Variants in ASTN2 observed in about 807,000 individuals in gnomAD.
ASTN2 encodes astrotactin 2, also known as astrotactin-2.
Under a neutral mutation model 139.8 loss-of-function variants are expected in ASTN2, and 54 were observed. The observed-to-expected ratio is 0.39, with a 90% confidence interval of 0.31 to 0.48. The LOEUF is 0.48. Among genes scored for constraint, ASTN2 ranks in the 20% least tolerant of loss-of-function variants. The pLI, the probability that ASTN2 is intolerant of heterozygous loss-of-function variation, is 0.95. For missense variants in ASTN2, 1,565 were observed against 1,725.1 expected (o/e 0.91, Z 1.64); for synonymous variants, 756 against 719.5 (o/e 1.05, Z -0.81).
intron 1 of ASTN2, among the ~76,000 whole-genome samples, chr9:117,308,104 A>G (rs2130810144): frequency 6.6e-6 from 1 of 152,256 alleles, no homozygotes; most frequent in Non-Finnish European, 1.5e-5. Flanking sequence ...AGGTCCTCTG[A>G]TTCCCAGCTC....
chr9:117,201,849 C>G (rs1831733335), intron 3 of ASTN2, among the ~76,000 whole-genome samples: 1 of 152,072 alleles, frequency 6.6e-6, no homozygotes, highest in Admixed American at 6.5e-5. Flanking sequence ...TAGACGTCTA[C>G]TAGGTCCACT....
chr9:117,042,028 C>T (rs1838591375), intron 5 of ASTN2, among the ~76,000 whole-genome samples: 1 of 152,056 alleles, frequency 6.6e-6, no homozygotes, highest in Admixed American at 6.6e-5. Context: ...CCATTATGTC[C>T]CAGTAAATAG....
chr9:117,085,966 C>G (rs1828549918), intron 5 of ASTN2, among the ~76,000 whole-genome samples: 3 of 152,276 alleles, frequency 2.0e-5, no homozygotes, highest in African/African-American at 7.2e-5. Flanking sequence ...TGAACCCTCT[C>G]AATTCTTAGT....
intron 5 of ASTN2, among the ~76,000 whole-genome samples, chr9:117,045,992 G>A (rs1028042831): frequency 7.8e-6 from 1 of 128,790 alleles, no homozygotes; most frequent in Admixed American, 7.4e-5. Context: ...ACGTACGTAC[G>A]TATGTATGTA....
chr9:117,151,496 T>C (rs1830325808), intron 3 of ASTN2, among the ~76,000 whole-genome samples: 1 of 152,088 alleles, frequency 6.6e-6, no homozygotes, highest in Admixed American at 6.6e-5. Flanking sequence ...AGGACACTGT[T>C]TAGTGGAAGA....
At chr9:116,998,969 C>T (rs1237073139) in intron 7 of ASTN2, among the ~76,000 whole-genome samples, 3 of 152,130 alleles carry the variant, frequency 2.0e-5, no homozygotes, top group Admixed American at 6.5e-5. Flanking sequence ...AATCTGTAAA[C>T]ATTAGAAATA....
intron 2 of ASTN2, among the ~76,000 whole-genome samples, chr9:117,232,114 AAC>A (rs1421113358): frequency 6.6e-6 from 1 of 152,164 alleles, no homozygotes; most frequent in Non-Finnish European, 1.5e-5. Flanking sequence ...CTACAAAAGT[AAC>A]AGCAAAAGGT....
At chr9:116,551,861 C>T (rs1852362347) in intron 19 of ASTN2, among the ~76,000 whole-genome samples, 1 of 152,168 alleles carries the variant, frequency 6.6e-6, no homozygotes, top group Non-Finnish European at 1.5e-5. Context: ...AACTTTTAGT[C>T]TCAGATTCTC....
chr9:116,984,101 G>T (rs1836604332), intron 7 of ASTN2, among the ~76,000 whole-genome samples: 1 of 152,080 alleles, frequency 6.6e-6, no homozygotes, highest in South Asian at 2.1e-4. Context: ...CTTCTAATGG[G>T]GCCCTATTTT....
chr9:117,193,979 T>G (rs1165829443), intron 3 of ASTN2, among the ~76,000 whole-genome samples: 1 of 143,348 alleles, frequency 7.0e-6, no homozygotes, highest in Non-Finnish European at 1.5e-5. Flanking sequence ...TGTTGTTGTT[T>G]TTCCTTTCCC....
intron 11 of ASTN2, among the ~76,000 whole-genome samples, chr9:116,830,543 G>A (rs1481206381): frequency 1.3e-5 from 2 of 152,024 alleles, no homozygotes; most frequent in Non-Finnish European, 2.9e-5. Context: ...TGTAATCCCA[G>A]CACTTTGGGA....
At chr9:117,099,056 G>A (rs565012587) in intron 4 of ASTN2, among the ~76,000 whole-genome samples, 57 of 147,438 alleles carry the variant, frequency 3.9e-4, no homozygotes, top group African/African-American at 1.4e-3. Flanking sequence ...GCAGTGAGCC[G>A]AGATCAAGCC....
intron 3 of ASTN2, among the ~76,000 whole-genome samples, chr9:117,164,017 C>T (rs1434157045): frequency 2.0e-5 from 3 of 152,066 alleles, no homozygotes; most frequent in Non-Finnish European, 4.4e-5. Context: ...TCATCATTTT[C>T]ACCATCAGTT....
At chr9:116,910,528 T>C (rs1834282139) in intron 10 of ASTN2, among the ~76,000 whole-genome samples, 1 of 152,166 alleles carries the variant, frequency 6.6e-6, no homozygotes, top group Admixed American at 6.5e-5. Context: ...CGTTCCTGAT[T>C]ACAACCCCCA....
At chr9:117,060,400 AAG>A (rs1839226905) in intron 5 of ASTN2, among the ~76,000 whole-genome samples, 1 of 80,482 alleles carries the variant, frequency 1.2e-5, no homozygotes, top group South Asian at 4.4e-4. Context: ...GAAAGAAAGA[AAG>A]AAAGAAAGAA....
intron 7 of ASTN2, among the ~76,000 whole-genome samples, chr9:116,999,043 T>C (rs910734145): frequency 5.9e-5 from 9 of 152,216 alleles, no homozygotes; most frequent in African/African-American, 2.2e-4. Context: ...TTTCATATCC[T>C]ACTACAAATG....
At chr9:117,240,120 A>G (rs1445701347) in intron 2 of ASTN2, among the ~76,000 whole-genome samples, 1 of 152,200 alleles carries the variant, frequency 6.6e-6, no homozygotes, top group Non-Finnish European at 1.5e-5. Flanking sequence ...CTTTTTTAAA[A>G]TAAATACAGA....
chr9:116,716,649 G>A lies in ASTN2; in HGVS notation c.2806+9122C>T, dbSNP rs142750234. Among the ~76,000 whole-genome samples, 830 of 152,282 alleles carry A rather than the reference G, an allele frequency of 5.5e-3. 5 individuals carry two copies. The highest frequency in any genetic ancestry group is 0.01 in the Middle Eastern group (3 of 294). ...CAGAGTCCTGGCCCAGAACCTCAAT[G>A]CAGTATTCCAGGCAGTTGATTGCAA... On this transcript the variant is annotated intron_variant, in intron 16 of 22. Transcript: ENST00000313400.
At chr9:116,938,979 G>T (rs1835153391) in intron 10 of ASTN2, among the ~76,000 whole-genome samples, 1 of 152,118 alleles carries the variant, frequency 6.6e-6, no homozygotes, top group Non-Finnish European at 1.5e-5. Flanking sequence ...ATATGAATAG[G>T]ACACTTCCTA....
Sources: gnomAD v4.1 joint callset for allele counts (sites outside exome capture counted in the v4.1 genomes callset) on GRCh38, gnomAD v4.1.1 for gene constraint, MANE v1.5 for transcripts, NCBI Gene and HGNC (gene_info 2026-07-23, HGNC 2026-07-21) for gene names.